Variants in MBP observed in about 807,000 individuals in gnomAD.
The protein encoded by MBP is Golli-MBP.
MBP carries 16 observed loss-of-function variants against 35.8 expected under a neutral mutation model. The ratio of observed to expected loss-of-function variants is 0.45; its 90% CI spans 0.30 to 0.68. The LOEUF is 0.68. MBP is among the 30% of genes least tolerant of loss of function. MBP has a pLI of 0.08. For missense variants in MBP, 380 were observed against 404.7 expected, an observed-to-expected ratio of 0.94 and a Z score of 0.52; for synonymous variants, 143 against 159.6, an observed-to-expected ratio of 0.90 and a Z score of 0.78.
At chr18:77,082,406 T>C (rs529244319) in intron 2 of MBP, among the ~76,000 whole-genome samples, 120 of 152,214 alleles carry the variant, frequency 7.9e-4, no homozygotes, top group Non-Finnish European at 1.3e-3. Context: ...AGGCACATTA[T>C]AGACACTGAG....
rs544835088 is a variant in MBP at position 77,057,451 on chromosome 18, A to C, written c.139+8847T>G. On this transcript the variant is annotated intron_variant, in intron 3 of 8. Coordinates refer to ENST00000355994, the MANE Select transcript of MBP (RefSeq NM_001025101.2). ...TGTGGCTTGTCTAGACAGGAATACAAGGCCTCAGGCAGCCACGGAATCACA... is the reference window on the plus strand; with the variant it reads ...TGTGGCTTGTCTAGACAGGAATACACGGCCTCAGGCAGCCACGGAATCACA... Among the ~76,000 whole-genome samples, 7 of 152,354 alleles carry C rather than the reference A, an allele frequency of 4.6e-5. No individual in the cohort carries two copies. The South Asian group carries it at 1.4e-3, about 32-fold the overall frequency.
chr18:77,041,653 T>C (rs1219770952), intron 3 of MBP, among the ~76,000 whole-genome samples: 1 of 151,526 alleles, frequency 6.6e-6, no homozygotes, highest in Non-Finnish European at 1.5e-5. Context: ...CTGGAAACCA[T>C]CATTCTCAGC....
intron 2 of MBP, among the ~76,000 whole-genome samples, chr18:77,090,142 A>C (rs1055816853): frequency 6.6e-6 from 1 of 152,210 alleles, no homozygotes; most frequent in Non-Finnish European, 1.5e-5. Context: ...CCTTAAACGA[A>C]GGTGTAAACT....
At chr18:77,083,109 G>A (rs1163093065) in intron 2 of MBP, among the ~76,000 whole-genome samples, 1 of 152,038 alleles carries the variant, frequency 6.6e-6, no homozygotes, top group Non-Finnish European at 1.5e-5. Flanking sequence ...GAGTAGCTGG[G>A]ACCACCATGC....
chr18:77,076,873 G>A (rs1016610138), intron 2 of MBP, among the ~76,000 whole-genome samples: 3 of 152,142 alleles, frequency 2.0e-5, no homozygotes, highest in African/African-American at 4.8e-5. Context: ...GCCAGGCGCC[G>A]AGGCACCAAT....
chr18:77,076,047 A>G (rs948383428), intron 2 of MBP, among the ~76,000 whole-genome samples: 8 of 152,248 alleles, frequency 5.3e-5, no homozygotes, highest in African/African-American at 1.9e-4. Context: ...ATCAAAGAGC[A>G]CTGTGAGTGT....
At chr18:77,128,930 C>T (rs1195306525) in intron 1 of MBP, among the ~76,000 whole-genome samples, 2 of 152,188 alleles carry the variant, frequency 1.3e-5, no homozygotes, top group Non-Finnish European at 2.9e-5. Context: ...GTTTTCTACA[C>T]CTTCTCTAAT....
chr18:77,030,131 G>T (rs1361144546), intron 3 of MBP, among the ~76,000 whole-genome samples: 1 of 148,216 alleles, frequency 6.7e-6, no homozygotes, highest in African/African-American at 2.6e-5. Flanking sequence ...TCAGGCAATG[G>T]TTAGGAGGCT....
intron 3 of MBP, among the ~76,000 whole-genome samples, chr18:77,053,215 T>C (rs1053867051): frequency 6.6e-6 from 1 of 152,000 alleles, no homozygotes; most frequent in Non-Finnish European, 1.5e-5. Flanking sequence ...TGCAGTGACA[T>C]GGCTGCTTCC....
intron 1 of MBP, among the ~76,000 whole-genome samples, chr18:77,112,200 C>G (rs575100957): frequency 1.4e-5 from 2 of 143,730 alleles, no homozygotes; most frequent in Non-Finnish European, 3.1e-5. Context: ...CGTGCGCGCG[C>G]GGCAAAAAGA....
At chr18:77,100,854 C>T (rs565725427) in intron 2 of MBP, among the ~76,000 whole-genome samples, 5 of 152,012 alleles carry the variant, frequency 3.3e-5, no homozygotes, top group African/African-American at 1.2e-4. Flanking sequence ...CACCTGGCCT[C>T]GTTTGGTGTT....
intron 1 of MBP, chr18:77,113,086 C>A (rs1976529103): frequency 6.6e-6 from 1 of 152,098 alleles, no homozygotes; most frequent in Non-Finnish European, 1.5e-5. Flanking sequence ...TTACAGGTGT[C>A]CGCCACCACA....
At chr18:77,116,644 G>T (rs1976670574) in intron 1 of MBP, among the ~76,000 whole-genome samples, 2 of 152,278 alleles carry the variant, frequency 1.3e-5, no homozygotes, top group Non-Finnish European at 2.9e-5. Flanking sequence ...GGTTTAGAAA[G>T]CCCGAGTAAT....
At chr18:77,098,405 T>G (rs979720692) in intron 2 of MBP, among the ~76,000 whole-genome samples, 1 of 152,152 alleles carries the variant, frequency 6.6e-6, no homozygotes, top group Non-Finnish European at 1.5e-5. Flanking sequence ...GTACAAAGTT[T>G]ATCACTGTCC....
chr18:77,026,486 T>C (rs1391259343), intron 3 of MBP, among the ~76,000 whole-genome samples: 1 of 152,244 alleles, frequency 6.6e-6, no homozygotes, highest in Non-Finnish European at 1.5e-5. Flanking sequence ...GGTGGACTTC[T>C]GTGGATGAGA....
intron 2 of MBP, among the ~76,000 whole-genome samples, chr18:77,076,319 G>A (rs976002758): frequency 3.3e-5 from 5 of 152,244 alleles, no homozygotes; most frequent in Non-Finnish European, 5.9e-5. Flanking sequence ...GGCCTCTTGA[G>A]TCAACAGGTG....
chr18:77,017,096 G>A lies in MBP; in HGVS notation c.312C>T (p.Asp104=), dbSNP rs1404325489. Residue 104 remains aspartate, a synonymous_variant, in exon 4 of 9, where the codon GAC becomes GAT. Transcript: ENST00000355994. ...LFSRDAPGRE[D]NTFKDRPSES... is the part of the protein sequence containing the mutation. ...CAGAGGGCCTGTCTTTGAAGGTGTT[G>A]TCCTCCCTCCCCGGGGCATCTCGGG... 6.2e-7 allele frequency: 1 copy of A among 1,603,542 alleles called. No individual in the cohort carries two copies.
intron 3 of MBP, among the ~76,000 whole-genome samples, chr18:77,042,794 G>A (rs1973072421): frequency 6.6e-6 from 1 of 152,228 alleles, no homozygotes; most frequent in African/African-American, 2.4e-5. Context: ...GTGCCTGCCC[G>A]GTACCAGCTC....
In MBP at chr18:77,101,268, G is replaced by C. The variant is rs967426989; in HGVS notation, c.51+3943C>G. Among the ~76,000 whole-genome samples the C allele has an allele frequency of 2.0e-5, 3 of 152,218 alleles. No individual in the cohort carries two copies. The highest frequency in any genetic ancestry group is 4.4e-5 in the Non-Finnish European group (3 of 68,030). On this transcript the variant is annotated intron_variant, in intron 2 of 8. Transcript: ENST00000355994. The surrounding 1 kb of genome is among the most constrained non-coding windows in gnomAD (Gnocchi z 4.3). ...CCCTTTCCTTCTTGGGTTCTGCCAA[G>C]TTCTGTAGTAAGATGGAGAACCAAA...
Sources: gnomAD v4.1 joint callset for allele counts (sites outside exome capture counted in the v4.1 genomes callset) on GRCh38, gnomAD v4.1.1 for gene constraint, Gnocchi (gnomAD v3.1) non-coding constraint, MANE v1.5 for transcripts, NCBI Gene and HGNC (gene_info 2026-07-23, HGNC 2026-07-21) for gene names.